DOCK3: variants seen among roughly 807,000 people sequenced by gnomAD.
DOCK3 encodes the protein dedicator of cytokinesis protein 3.
Under a neutral mutation model 265.6 loss-of-function variants are expected in DOCK3, and 60 were observed. That is an observed-to-expected ratio of 0.23 (90% CI 0.18 to 0.28). The LOEUF (loss-of-function observed/expected upper bound fraction) is 0.28. Ranked by LOEUF, DOCK3 falls within the 10% of genes least tolerant of loss-of-function variation. The probability of loss-of-function intolerance (pLI) is 1.00; values close to 1 mark genes in which losing one functional copy is unlikely to be tolerated. For missense variants in DOCK3, 1,981 were observed against 2,594.3 expected, an observed-to-expected ratio of 0.76 and a Z score of 5.14; for synonymous variants, 881 against 938.0, an observed-to-expected ratio of 0.94 and a Z score of 1.11.
At chr3:51,229,972 G>A (rs2090478616) in intron 19 of DOCK3, among the ~76,000 whole-genome samples, 1 of 152,152 alleles carries the variant, frequency 6.6e-6, no homozygotes. Context: ...ATATAAGTGT[G>A]ATCGTGTGGT....
intron 22 of DOCK3, among the ~76,000 whole-genome samples, chr3:51,247,956 A>G (rs1402889537): frequency 1.3e-5 from 2 of 152,346 alleles, no homozygotes; most frequent in Admixed American, 1.3e-4. Flanking sequence ...AAAAGATTCT[A>G]TATGAGCCTG....
chr3:50,744,715 G>A (rs779182038), intron 1 of DOCK3, among the ~76,000 whole-genome samples: 39 of 152,224 alleles, frequency 2.6e-4, no homozygotes, highest in African/African-American at 7.7e-4. Context: ...GGTTACAGGC[G>A]TGAGCCACTG....
intron 7 of DOCK3, among the ~76,000 whole-genome samples, chr3:51,080,729 T>C (rs774448452): frequency 1.3e-4 from 20 of 152,218 alleles, no homozygotes; most frequent in Non-Finnish European, 2.6e-4. Flanking sequence ...AATTTATGAC[T>C]ACCAAGATTA....
At chr3:50,880,952 G>A (rs907604016) in intron 3 of DOCK3, among the ~76,000 whole-genome samples, 4 of 152,176 alleles carry the variant, frequency 2.6e-5, no homozygotes, top group Non-Finnish European at 4.4e-5. Context: ...CTTCATCCCT[G>A]GGATGCAAGG....
At chr3:51,352,684 C>G (rs539459245) in intron 40 of DOCK3, among the ~76,000 whole-genome samples, 9 of 152,242 alleles carry the variant, frequency 5.9e-5, no homozygotes, top group Non-Finnish European at 1.0e-4. Context: ...AACCCACATG[C>G]TACCTTCCCT....
At chr3:51,013,130 C>T (rs1258472931) in intron 5 of DOCK3, among the ~76,000 whole-genome samples, 5 of 152,164 alleles carry the variant, frequency 3.3e-5, no homozygotes. Context: ...TTATTACCGA[C>T]TTTCTGAAGC....
chr3:50,836,859 C>T (rs536183646), intron 2 of DOCK3, among the ~76,000 whole-genome samples: 1 of 152,162 alleles, frequency 6.6e-6, no homozygotes, highest in African/African-American at 2.4e-5. Context: ...CGCCAGATAC[C>T]CTAAATCATC....
intron 26 of DOCK3, chr3:51,278,416 G>A (rs931475949): frequency 2.7e-5 from 27 of 985,324 alleles, no homozygotes; most frequent in Non-Finnish European, 3.1e-5. Flanking sequence ...AACAGTTTTC[G>A]TGGAATCTTT....
At chr3:50,709,114 A>G (rs1348242818) in intron 1 of DOCK3, among the ~76,000 whole-genome samples, 6 of 152,232 alleles carry the variant, frequency 3.9e-5, no homozygotes. Context: ...GAAAATAGTC[A>G]AGAGATGTCA....
intron 1 of DOCK3, among the ~76,000 whole-genome samples, chr3:50,720,556 T>C (rs2037414585): frequency 6.6e-6 from 1 of 152,206 alleles, no homozygotes. Flanking sequence ...GGCTTTTAGA[T>C]TGATTCTATG....
At chr3:50,978,430 G>T (rs1300911929) in intron 5 of DOCK3, among the ~76,000 whole-genome samples, 1 of 152,114 alleles carries the variant, frequency 6.6e-6, no homozygotes, top group Non-Finnish European at 1.5e-5. Context: ...GCCCCTGCTG[G>T]GGGGGTGCCT....
chr3:51,058,039 G>A (rs1217702631), intron 5 of DOCK3, among the ~76,000 whole-genome samples: 1 of 152,156 alleles, frequency 6.6e-6, no homozygotes, highest in Admixed American at 6.6e-5. Flanking sequence ...TTCATTTAGG[G>A]TTTCTCATTT....
intron 5 of DOCK3, among the ~76,000 whole-genome samples, chr3:50,999,954 T>A (rs2078416696): frequency 6.6e-6 from 1 of 152,140 alleles, no homozygotes; most frequent in Non-Finnish European, 1.5e-5. Flanking sequence ...TAGCACTCCC[T>A]TTCTTTGTAG....
intron 5 of DOCK3, among the ~76,000 whole-genome samples, chr3:51,053,821 G>T (rs182091988): frequency 6.6e-6 from 1 of 152,072 alleles, no homozygotes; most frequent in African/African-American, 2.4e-5. Flanking sequence ...GTGTAACCTT[G>T]TTTTTCTTAG....
At chr3:51,017,261 T>C (rs2079385764) in intron 5 of DOCK3, among the ~76,000 whole-genome samples, 1 of 151,458 alleles carries the variant, frequency 6.6e-6, no homozygotes, top group South Asian at 2.1e-4. Context: ...TTGAGTCTTC[T>C]ATTTTTATCT....
chr3:51,374,472 C>G lies in DOCK3; in HGVS notation c.5297C>G (p.Ser1766Cys). The change falls in exon 50 of 53, where the codon TCT (serine) becomes TGT (cysteine). Residue 1766 changes from serine to cysteine, a missense_variant. This residue lies in a region of DOCK3 where 1,357 missense variants were observed against 1,866.8 expected (regional missense o/e 0.73). Coordinates refer to ENST00000266037, the MANE Select transcript of DOCK3 (RefSeq NM_004947.5). The surrounding 1 kb of genome is among the most constrained non-coding windows in gnomAD (Gnocchi z 4.8). ...ITSAPSSARG[S>C]PSLPDKYRHA... ...GATTGTTCTCACTTGGTTACAGGCT[C>G]TCCCTCTCTGCCAGATAAGTACCGC... 6.2e-7 allele frequency: 1 copy of G among 1,612,616 alleles called. No homozygotes were observed.
intron 32 of DOCK3, among the ~76,000 whole-genome samples, chr3:51,327,627 G>A (rs1306936766): frequency 6.6e-6 from 1 of 150,658 alleles, no homozygotes; most frequent in Non-Finnish European, 1.5e-5. Context: ...TCCTTTATGA[G>A]CTCTGTAGGG....
chr3:51,082,544 T>A (rs530356986), intron 7 of DOCK3, among the ~76,000 whole-genome samples: 1 of 152,162 alleles, frequency 6.6e-6, no homozygotes, highest in African/African-American at 2.4e-5. Flanking sequence ...CTGCCACTGA[T>A]AGCAACCCTG....
chr3:51,174,258 C>T (rs1431764682), intron 12 of DOCK3, among the ~76,000 whole-genome samples: 3 of 152,074 alleles, frequency 2.0e-5, no homozygotes, highest in Non-Finnish European at 4.4e-5. Context: ...GAGTTCAAGA[C>T]CATCCTGGCC....
Sources: allele counts gnomAD v4.1 joint callset (sites outside exome capture counted in the v4.1 genomes callset), GRCh38; gene constraint gnomAD v4.1.1; regional missense constraint gnomAD v4.1.1; non-coding constraint Gnocchi (gnomAD v3.1); transcripts MANE v1.5; gene names NCBI Gene and HGNC (gene_info 2026-07-23, HGNC 2026-07-21).